Variants in SPSB4 observed in about 807,000 individuals in gnomAD.
SPSB4 encodes the protein SPRY domain-containing SOCS box protein 4.
In SPSB4, 21 loss-of-function variants were observed where a neutral mutation model predicts 20.9. The observed-to-expected ratio is 1.01, with a 90% CI of 0.71 to 1.45. The LOEUF (loss-of-function observed/expected upper bound fraction) is 1.45. SPSB4 is among the 40% of genes most tolerant of loss of function. The pLI, the probability that SPSB4 is intolerant of heterozygous loss-of-function variation, is 0.00. For missense variants in SPSB4, 399 were observed against 399.2 expected, an observed-to-expected ratio of 1.00 and a Z score of 0.00; for synonymous variants, 207 against 183.8, an observed-to-expected ratio of 1.13 and a Z score of -1.02.
At chr3:141,118,737 T>C (rs1420828503) in intron 2 of SPSB4, among the ~76,000 whole-genome samples, 1 of 152,236 alleles carries the variant, frequency 6.6e-6, no homozygotes, top group Non-Finnish European at 1.5e-5. Context: ...GCACTACTTA[T>C]TATATAGGGA....
intron 2 of SPSB4, among the ~76,000 whole-genome samples, chr3:141,105,888 T>C (rs1030560746): frequency 1.3e-5 from 2 of 152,248 alleles, no homozygotes; most frequent in Non-Finnish European, 2.9e-5. Context: ...TTAGATGAAA[T>C]AAAGATACAC....
intron 2 of SPSB4, among the ~76,000 whole-genome samples, chr3:141,101,596 A>T (rs913019549): frequency 6.6e-6 from 1 of 152,170 alleles, no homozygotes; most frequent in Admixed American, 6.5e-5. Flanking sequence ...AAGTTCTCCT[A>T]AGGATTAAAT....
intron 1 of SPSB4, among the ~76,000 whole-genome samples, chr3:141,059,235 A>G (rs1343423795): frequency 1.3e-5 from 2 of 152,116 alleles, no homozygotes; most frequent in Non-Finnish European, 2.9e-5. Flanking sequence ...TCATGGACTA[A>G]TTATCTCTCA....
At chr3:141,108,006 G>A (rs900120032) in intron 2 of SPSB4, among the ~76,000 whole-genome samples, 30 of 152,072 alleles carry the variant, frequency 2.0e-4, no homozygotes, top group African/African-American at 6.3e-4. Context: ...GGCCTCTTTC[G>A]CTGTTCTGTC....
intron 1 of SPSB4, among the ~76,000 whole-genome samples, chr3:141,065,409 T>C (rs1297189295): frequency 6.6e-6 from 1 of 152,180 alleles, no homozygotes; most frequent in Non-Finnish European, 1.5e-5. Context: ...TGGGAACCAA[T>C]GGGCCACACC....
At chr3:141,092,518 A>G (rs972258978) in intron 2 of SPSB4, among the ~76,000 whole-genome samples, 4 of 152,242 alleles carry the variant, frequency 2.6e-5, no homozygotes, top group African/African-American at 9.6e-5. Context: ...CCTGTGCACC[A>G]GGAGTGGGCC....
intron 2 of SPSB4, among the ~76,000 whole-genome samples, chr3:141,089,949 G>A (rs1362312534): frequency 6.6e-6 from 1 of 152,132 alleles, no homozygotes; most frequent in Non-Finnish European, 1.5e-5. Flanking sequence ...GGGGTGGGGA[G>A]ATCTAGGAAC....
At chr3:141,117,070 A>T (rs968061632) in intron 2 of SPSB4, 20 of 152,174 alleles carry the variant, frequency 1.3e-4, no homozygotes, top group African/African-American at 4.8e-4. Flanking sequence ...TCCTACCTGG[A>T]TGTCCAGTCC....
chr3:141,062,489 T>C (rs1937784707), intron 1 of SPSB4, among the ~76,000 whole-genome samples: 1 of 152,174 alleles, frequency 6.6e-6, no homozygotes, highest in Non-Finnish European at 1.5e-5. Context: ...TCCATTCATT[T>C]TTTAAAATTT....
intron 2 of SPSB4, among the ~76,000 whole-genome samples, chr3:141,126,714 C>T (rs990047479): frequency 6.6e-6 from 1 of 152,286 alleles, no homozygotes; most frequent in East Asian, 1.9e-4. Context: ...GCACAAGCAC[C>T]GTCAGAGACA....
intron 2 of SPSB4, among the ~76,000 whole-genome samples, chr3:141,125,196 A>G (rs1255556120): frequency 6.6e-6 from 1 of 152,158 alleles, no homozygotes; most frequent in Non-Finnish European, 1.5e-5. Flanking sequence ...AATTTTTTTC[A>G]TATGAAGAAC....
intron 2 of SPSB4, among the ~76,000 whole-genome samples, chr3:141,117,773 G>A (rs74784211): frequency 0.052 from 7,869 of 152,284 alleles, 268 homozygotes; most frequent in South Asian, 0.073. Flanking sequence ...CTGTCCTTGT[G>A]ATAGTTTGCT....
intron 2 of SPSB4, among the ~76,000 whole-genome samples, chr3:141,114,620 A>G (rs1036256696): frequency 2.0e-5 from 3 of 152,214 alleles, no homozygotes; most frequent in African/African-American, 7.2e-5. Context: ...TGCAGAGGGC[A>G]GCTGCGCTGG....
intron 2 of SPSB4, among the ~76,000 whole-genome samples, chr3:141,083,192 G>C (rs371416018): frequency 1.3e-5 from 2 of 152,198 alleles, no homozygotes; most frequent in Admixed American, 6.5e-5. Flanking sequence ...GTCCCCCCAG[G>C]TGCCCTCACT....
chr3:141,142,063 TA>T (rs1939339027), intron 2 of SPSB4, among the ~76,000 whole-genome samples: 1 of 152,234 alleles, frequency 6.6e-6, no homozygotes, highest in Admixed American at 6.5e-5. Flanking sequence ...TGATCTTTGT[TA>T]TTTATTTTCT....
At chr3:141,139,787 C>G (rs551213544) in intron 2 of SPSB4, among the ~76,000 whole-genome samples, 1 of 152,324 alleles carries the variant, frequency 6.6e-6, no homozygotes, top group Admixed American at 6.5e-5. Flanking sequence ...TTCATTTCAA[C>G]TTTGGTGAAT....
chr3:141,142,557 C>A (rs1336309896), intron 2 of SPSB4, among the ~76,000 whole-genome samples: 1 of 151,996 alleles, frequency 6.6e-6, no homozygotes, highest in Non-Finnish European at 1.5e-5. Flanking sequence ...TTGTTAAGTC[C>A]ATTTGTTCTA....
At chr3:141,114,116 T>G (rs1938848539) in intron 2 of SPSB4, among the ~76,000 whole-genome samples, 1 of 152,212 alleles carries the variant, frequency 6.6e-6, no homozygotes, top group Non-Finnish European at 1.5e-5. Flanking sequence ...ATTAATTTCA[T>G]GTTATGTAAA....
chr3:141,089,668 C>A (rs72980194), intron 2 of SPSB4, among the ~76,000 whole-genome samples: 17,641 of 152,204 alleles, frequency 0.12, 1,175 homozygotes, highest in African/African-American at 0.16. Flanking sequence ...CGCAGCCAGG[C>A]CTGTGCCAGC....
Sources: allele counts gnomAD v4.1 joint callset (sites outside exome capture counted in the v4.1 genomes callset), GRCh38; gene constraint gnomAD v4.1.1; transcripts MANE v1.5; gene names NCBI Gene and HGNC (gene_info 2026-07-23, HGNC 2026-07-21).